MICU1: variants seen among roughly 807,000 people sequenced by gnomAD.
MICU1 encodes the protein calcium uptake protein 1, mitochondrial.
A neutral mutation model predicts 56.8 loss-of-function variants in MICU1; 45 were observed. The ratio of observed to expected loss-of-function variants is 0.79; its 90% CI spans 0.62 to 1.02. The LOEUF is 1.02. Ranked by LOEUF, MICU1 falls within the 50% of genes least tolerant of loss-of-function variation. The pLI is 0.00. For synonymous variants in MICU1, 186 were observed against 195.1 expected, an observed-to-expected ratio of 0.95 and a Z score of 0.39; for missense variants, 504 against 587.1, an observed-to-expected ratio of 0.86 and a Z score of 1.46.
chr10:72,477,664 T>A, intron 6 of MICU1: 1 of 879,318 alleles, frequency 1.1e-6, no homozygotes, highest in Non-Finnish European at 1.8e-6. Flanking sequence ...GTTGAAACAC[T>A]ACATCTTAGT....
At chr10:72,499,085 C>A (rs557845692) in intron 6 of MICU1, among the ~76,000 whole-genome samples, 2 of 152,126 alleles carry the variant, frequency 1.3e-5, no homozygotes, top group South Asian at 4.2e-4. Context: ...ATAAGGAGAA[C>A]CTCAAGGGTA....
chr10:72,509,489 GTCAGTTTGTATGATCTTCTCAATAAAC>G, intron 5 of MICU1: 1 of 1,089,906 alleles, frequency 9.2e-7, no homozygotes, highest in Non-Finnish European at 1.2e-6. Flanking sequence ...TCATCGTGAA[GTCAGTTTGTATGATCTTCTCAATAAAC>G]TCATTCAAAA....
intron 4 of MICU1, among the ~76,000 whole-genome samples, chr10:72,538,589 A>G (rs1839692686): frequency 6.6e-6 from 1 of 152,116 alleles, no homozygotes; most frequent in African/African-American, 2.4e-5. Flanking sequence ...TGTAATAGAT[A>G]CTCTAAAAAT....
chr10:72,588,642 G>A (rs139415038), intron 1 of MICU1, among the ~76,000 whole-genome samples: 127 of 152,286 alleles, frequency 8.3e-4, no homozygotes, highest in Middle Eastern at 3.4e-3. Context: ...AAAATGATAC[G>A]ATAGTAAACC....
At chr10:72,421,742 G>A (rs1864181812) in intron 9 of MICU1, among the ~76,000 whole-genome samples, 1 of 152,092 alleles carries the variant, frequency 6.6e-6, no homozygotes, top group South Asian at 2.1e-4. Context: ...TTGTTTCTAT[G>A]CTTGCTCTTC....
intron 10 of MICU1, among the ~76,000 whole-genome samples, chr10:72,404,911 T>A (rs932775771): frequency 1.3e-4 from 19 of 150,294 alleles, no homozygotes; most frequent in East Asian, 3.9e-4. Flanking sequence ...TTTACTTATT[T>A]AATTATTATT....
At chr10:72,599,103 G>A (rs993560463) in intron 1 of MICU1, among the ~76,000 whole-genome samples, 1 of 152,312 alleles carries the variant, frequency 6.6e-6, no homozygotes, top group Admixed American at 6.5e-5. Flanking sequence ...CCCAGGCAGA[G>A]CTTCTGTCTG....
intron 1 of MICU1, among the ~76,000 whole-genome samples, chr10:72,606,883 T>C (rs1400062439): frequency 6.6e-6 from 1 of 152,158 alleles, no homozygotes; most frequent in East Asian, 1.9e-4. Context: ...TAATCAATCA[T>C]GCCTACATAA....
At chr10:72,523,027 T>G (rs899701899) in intron 5 of MICU1, among the ~76,000 whole-genome samples, 8 of 152,212 alleles carry the variant, frequency 5.3e-5, no homozygotes, top group African/African-American at 1.9e-4. Context: ...TAAAGAAGAC[T>G]GGTGCTGTTT....
chr10:72,466,815 C>T (rs1222393884), intron 8 of MICU1, among the ~76,000 whole-genome samples: 1 of 152,156 alleles, frequency 6.6e-6, no homozygotes. Flanking sequence ...TTTGTTGCAT[C>T]AGACAGATTT....
rs1041825661 is a variant in MICU1 at position 72,562,753 on chromosome 10, T to C, written c.330+142A>G. 8.1e-6 allele frequency: 6 copies of C among 738,746 alleles called. No homozygotes were observed. The African/African-American group carries it at 1.1e-4, about 13-fold the overall frequency. The allele number at this position is 738,746 out of a possible 1,614,324, so 45.8% of individuals were successfully genotyped here. ...CTCACATTCCAAGAGTACTTTTGGCTTAGAACATGATAGAAAATAGCAAAG... is the reference window on the plus strand; with the variant it reads ...CTCACATTCCAAGAGTACTTTTGGCCTAGAACATGATAGAAAATAGCAAAG... On this transcript the variant is annotated intron_variant, in intron 3 of 11. Transcript: ENST00000361114.
chr10:72,596,554 A>G (rs1312894774), intron 1 of MICU1, among the ~76,000 whole-genome samples: 1 of 152,158 alleles, frequency 6.6e-6, no homozygotes, highest in Non-Finnish European at 1.5e-5. Flanking sequence ...GTTTATCACA[A>G]TAAGAATTCA....
intron 10 of MICU1, among the ~76,000 whole-genome samples, chr10:72,388,737 T>C (rs1305704823): frequency 6.6e-6 from 1 of 152,218 alleles, no homozygotes; most frequent in Non-Finnish European, 1.5e-5. Context: ...AATGCTACTG[T>C]GAAGCATGGT....
chr10:72,558,177 A>G (rs1367029990), intron 3 of MICU1, among the ~76,000 whole-genome samples: 1 of 152,244 alleles, frequency 6.6e-6, no homozygotes, highest in African/African-American at 2.4e-5. Flanking sequence ...TTATATCTGA[A>G]AAGTACAGAA....
chr10:72,422,836 A>C (rs1340064005), intron 9 of MICU1, among the ~76,000 whole-genome samples: 1 of 67,180 alleles, frequency 1.5e-5, no homozygotes, highest in Non-Finnish European at 3.4e-5. Flanking sequence ...TCAGCCTCTG[A>C]GTAGCTGGGA....
At chr10:72,423,000 A>G (rs2132137227) in intron 9 of MICU1, among the ~76,000 whole-genome samples, 1 of 151,792 alleles carries the variant, frequency 6.6e-6, no homozygotes, top group African/African-American at 2.4e-5. Flanking sequence ...AAAATTCTCA[A>G]TTTCAGTTGG....
At chr10:72,521,751 T>C (rs1412961820) in intron 5 of MICU1, among the ~76,000 whole-genome samples, 1 of 152,100 alleles carries the variant, frequency 6.6e-6, no homozygotes, top group Non-Finnish European at 1.5e-5. Flanking sequence ...AAAATGTTAA[T>C]CAGGACTGAA....
chr10:72,412,432 G>A (rs1863846088), intron 9 of MICU1, among the ~76,000 whole-genome samples: 1 of 152,138 alleles, frequency 6.6e-6, no homozygotes, highest in African/African-American at 2.4e-5. Flanking sequence ...CGGGCTCTAG[G>A]TGACTATAAA....
At chr10:72,431,143 T>TC (rs80325338) in intron 8 of MICU1, among the ~76,000 whole-genome samples, 2 of 150,268 alleles carry the variant, frequency 1.3e-5, no homozygotes, top group Non-Finnish European at 3.0e-5. Context: ...TATCTATCTA[T>TC]TTTCTGAGAT....
Sources: gnomAD v4.1 joint callset for allele counts (sites outside exome capture counted in the v4.1 genomes callset) on GRCh38, gnomAD v4.1.1 for gene constraint, MANE v1.5 for transcripts, NCBI Gene and HGNC (gene_info 2026-07-23, HGNC 2026-07-21) for gene names.